Variants in BMAL2 observed in about 807,000 individuals in gnomAD.
BMAL2 encodes basic helix-loop-helix ARNT-like protein 2.
At chr12:27,341,041 T>A in the BMAL2 span, among the ~76,000 whole-genome samples, 25,985 of 152,144 alleles carry the variant, frequency 0.17, 2,608 homozygotes, top group East Asian at 0.3. Flanking sequence ...TACAGAATCA[T>A]GTCATCTGCA....
At chr12:27,391,477 G>T in the BMAL2 span, among the ~76,000 whole-genome samples, 3,741 of 152,218 alleles carry the variant, frequency 0.025, 111 homozygotes, top group African/African-American at 0.068. Context: ...ATTTGCTATT[G>T]TGAACAGTGC....
At chr12:27,337,875 C>T in the BMAL2 span, among the ~76,000 whole-genome samples, 1 of 152,168 alleles carries the variant, frequency 6.6e-6, no homozygotes, top group Non-Finnish European at 1.5e-5. Flanking sequence ...TGATTTTCCC[C>T]TTTTCCTCAT....
the BMAL2 span, among the ~76,000 whole-genome samples, chr12:27,375,262 A>C: frequency 6.6e-6 from 1 of 152,204 alleles, no homozygotes; most frequent in South Asian, 2.1e-4. Flanking sequence ...TGCACACACC[A>C]CAATATTATT....
At chr12:27,424,635 G>A in the BMAL2 span, 1 of 152,330 alleles carries the variant, frequency 6.6e-6, no homozygotes, top group East Asian at 1.9e-4. Flanking sequence ...ACCATGTTTA[G>A]TAGTGTCCAG....
the BMAL2 span, among the ~76,000 whole-genome samples, chr12:27,409,743 T>A: frequency 6.6e-6 from 1 of 151,524 alleles, no homozygotes; most frequent in Admixed American, 6.6e-5. Flanking sequence ...AATTGACAAA[T>A]GGGATCTAAT....
the BMAL2 span, among the ~76,000 whole-genome samples, chr12:27,353,681 A>G: frequency 6.6e-6 from 1 of 152,222 alleles, no homozygotes; most frequent in Non-Finnish European, 1.5e-5. Context: ...CATCTAAAAA[A>G]GGTCAAATAT....
chr12:27,356,768 T>C, the BMAL2 span, among the ~76,000 whole-genome samples: 4 of 152,304 alleles, frequency 2.6e-5, no homozygotes, highest in African/African-American at 9.6e-5. Flanking sequence ...TTATTTTTTA[T>C]TTCCATAGGT....
chr12:27,390,893 C>T, the BMAL2 span, among the ~76,000 whole-genome samples: 2 of 152,110 alleles, frequency 1.3e-5, no homozygotes, highest in East Asian at 1.9e-4. Flanking sequence ...ATTTGCCTTC[C>T]TATCCTTTAA....
chr12:27,357,981 G>A, the BMAL2 span, among the ~76,000 whole-genome samples: 1 of 151,910 alleles, frequency 6.6e-6, no homozygotes, highest in Admixed American at 6.6e-5. Context: ...GAACCCAGAA[G>A]CAAATGCAAC....
At chr12:27,385,519 T>A in the BMAL2 span, 5 of 1,607,020 alleles carry the variant, frequency 3.1e-6, no homozygotes, top group East Asian at 4.5e-5. Context: ...TTATAGACCA[T>A]CATTTCTTCA....
chr12:27,380,369 T>G, the BMAL2 span: 1 of 1,614,210 alleles, frequency 6.2e-7, no homozygotes, highest in Non-Finnish European at 8.5e-7. Flanking sequence ...CTTACAGTTT[T>G]AAGAATGGCT....
At chr12:27,376,376 G>A in the BMAL2 span, 1 of 1,613,968 alleles carries the variant, frequency 6.2e-7, no homozygotes, top group Non-Finnish European at 8.5e-7. Context: ...AAGTTAAAAT[G>A]AAGGCCTTCA....
At chr12:27,390,713 A>T in the BMAL2 span, among the ~76,000 whole-genome samples, 2 of 152,240 alleles carry the variant, frequency 1.3e-5, no homozygotes, top group South Asian at 4.1e-4. Flanking sequence ...TTTTCTTATG[A>T]TCCTTTGCTA....
the BMAL2 span, among the ~76,000 whole-genome samples, chr12:27,335,402 C>T: frequency 1.3e-5 from 2 of 152,176 alleles, no homozygotes. Flanking sequence ...CCAAGACTCA[C>T]TGCCAGAGAT....
the BMAL2 span, among the ~76,000 whole-genome samples, chr12:27,403,093 G>A: frequency 3.4e-4 from 52 of 152,254 alleles, no homozygotes; most frequent in Non-Finnish European, 6.3e-4. Flanking sequence ...AAAGTATTGG[G>A]GGAGTTTTTG....
At chr12:27,393,041 C>T in the BMAL2 span, among the ~76,000 whole-genome samples, 1 of 152,166 alleles carries the variant, frequency 6.6e-6, no homozygotes, top group Admixed American at 6.5e-5. Flanking sequence ...CTCCCTGCCA[C>T]TTCTCCCAGT....
At chr12:27,350,993 C>T in the BMAL2 span, among the ~76,000 whole-genome samples, 1 of 89,584 alleles carries the variant, frequency 1.1e-5, no homozygotes, top group Non-Finnish European at 2.1e-5. Flanking sequence ...ACCCACCCCC[C>T]CTTTTTTTTT....
the BMAL2 span, among the ~76,000 whole-genome samples, chr12:27,376,988 A>G: frequency 1.8e-4 from 25 of 138,776 alleles, 1 homozygote; most frequent in South Asian, 1.7e-3. Flanking sequence ...GCGACAGAGC[A>G]AAACTCCGTC....
the BMAL2 span, among the ~76,000 whole-genome samples, chr12:27,392,374 G>A: frequency 7.2e-5 from 11 of 152,252 alleles, no homozygotes; most frequent in East Asian, 1.9e-3. Context: ...GTGCAGAGCC[G>A]ATGGCAGGTG....
Sources: gnomAD v4.1 joint callset for allele counts (sites outside exome capture counted in the v4.1 genomes callset) on GRCh38, gnomAD v4.1.1 for gene constraint, MANE v1.5 for transcripts, NCBI Gene and HGNC (gene_info 2026-07-23, HGNC 2026-07-21) for gene names.